Variants in CACNA1I observed in about 807,000 individuals in gnomAD.
CACNA1I encodes voltage-dependent T-type calcium channel subunit alpha-1I.
In CACNA1I, 74 loss-of-function variants were observed where a neutral mutation model predicts 201.6. The ratio of observed to expected loss-of-function variants is 0.37; its 90% CI spans 0.30 to 0.45. The LOEUF is 0.45. Among genes scored for constraint, CACNA1I ranks in the 20% least tolerant of loss-of-function variants. The probability of loss-of-function intolerance (pLI) is 1.00; values close to 1 mark genes in which losing one functional copy is unlikely to be tolerated. For missense variants in CACNA1I, 2,346 were observed against 3,138.1 expected, an observed-to-expected ratio of 0.75 and a Z score of 6.03; for synonymous variants, 1,431 against 1,345.2, an observed-to-expected ratio of 1.06 and a Z score of -1.40.
chr22:39,610,371 G>C (rs536751892), intron 3 of CACNA1I, among the ~76,000 whole-genome samples: 1 of 152,186 alleles, frequency 6.6e-6, no homozygotes, highest in African/African-American at 2.4e-5. Context: ...CTGAGCTGCC[G>C]TTGGGTGGGC....
intron 35 of CACNA1I, among the ~76,000 whole-genome samples, 187 bp downstream of exon 35, chr22:39,682,848 A>G (rs969541156): frequency 6.6e-6 from 1 of 152,228 alleles, no homozygotes; most frequent in African/African-American, 2.4e-5. Context: ...ATAAAAGATC[A>G]AGAGCCAAAT....
chr22:39,662,083 T>G lies in CACNA1I; in HGVS notation c.3020T>G (p.Leu1007Arg). ...KPPSAEHESL[L>R]SAERGGGARV... Reference sequence around the variant, plus strand: ...CCGTCGGCGGAGCATGAGTCCCTGCTCTCTGCGGAGCGCGGCGGCGGCGCC... The same window carrying G: ...CCGTCGGCGGAGCATGAGTCCCTGCGCTCTGCGGAGCGCGGCGGCGGCGCC... Residue 1007 changes from leucine (L) to arginine (R), a missense_variant, in exon 17 of 37, where the codon CTC (leucine) becomes CGC (arginine). Physicochemically the swap from Leu to Arg is moderately radical, Grantham distance 102. This residue lies in a region of CACNA1I where 288 missense variants were observed against 255.2 expected (regional missense o/e 1.13). Coordinates refer to ENST00000402142, the MANE Select transcript of CACNA1I (RefSeq NM_021096.4). 6.5e-7 allele frequency: 1 copy of G among 1,537,152 alleles called. No individual in the cohort carries two copies. Among genetic ancestry groups the G allele is most frequent in the Non-Finnish European group, 8.7e-7 (1 of 1,146,486 alleles).
chr22:39,653,403 C>T (rs955470610), intron 10 of CACNA1I, among the ~76,000 whole-genome samples: 15 of 152,334 alleles, frequency 9.8e-5, no homozygotes, highest in African/African-American at 3.4e-4. Context: ...TATTTTTGCT[C>T]CGCTCGCTCG....
intron 5 of CACNA1I, among the ~76,000 whole-genome samples, chr22:39,638,566 T>A (rs1238809349): frequency 6.6e-6 from 1 of 152,254 alleles, no homozygotes; most frequent in Non-Finnish European, 1.5e-5. Flanking sequence ...ATTTTTTGTT[T>A]GCATTTGGTT....
intron 29 of CACNA1I, among the ~76,000 whole-genome samples, chr22:39,675,213 C>T (rs1404586202): frequency 2.0e-5 from 3 of 152,194 alleles, no homozygotes; most frequent in Non-Finnish European, 2.9e-5. Context: ...GGTGAAGCAT[C>T]GCTCCCTCAA....
In CACNA1I at chr22:39,689,533, C is replaced by T. The variant is rs1569107053; in HGVS notation, c.*3128C>T. On this transcript the variant is annotated 3_prime_UTR_variant, in exon 37 of 37. Transcript: ENST00000402142. Reference sequence around the variant, plus strand: ...AGCCTACTGAGGAGGCAGAGGCCACCTCCTCCAGAAAGCCCTCGGCCTGGG... The same window carrying T: ...AGCCTACTGAGGAGGCAGAGGCCACTTCCTCCAGAAAGCCCTCGGCCTGGG... 1 of 152,964 alleles carries T rather than the reference C, an allele frequency of 6.5e-6. No individual in the cohort carries two copies. The highest frequency in any genetic ancestry group is 2.4e-5 in the African/African-American group (1 of 41,588). The allele number at this position is 152,964 out of a possible 1,614,324, so 9.5% of individuals were successfully genotyped here.
intron 4 of CACNA1I, among the ~76,000 whole-genome samples, chr22:39,622,521 G>A (rs1933776464): frequency 6.6e-6 from 1 of 151,436 alleles, no homozygotes. Context: ...CATGGACCAT[G>A]TGCCTGAGGG....
At position 39,673,639 on chromosome 22, in the gene CACNA1I, C is replaced by T. The variant is rs144381846; in HGVS notation, c.4784-324C>T. Among the ~76,000 whole-genome samples, 245 of 152,312 alleles carry T rather than the reference C, an allele frequency of 1.6e-3. 1 individual carries two copies. Among genetic ancestry groups the T allele is most frequent in the African/African-American group, 5.4e-3 (223 of 41,574 alleles). ...GAGAGGGGAAGAGAAGAGATGTGGC[C>T]ACTCACGCTGGTCCTTTGTGCCCGT... On this transcript the variant is annotated intron_variant, in intron 28 of 36. Transcript: ENST00000402142.
Position 39,686,092 on chromosome 22 carries a change from G to GGC in CACNA1I, c.6359_6360insGC (p.Ser2121ProfsTer152). 8.1e-7 allele frequency: 1 copy of GGC among 1,236,338 alleles called. No individual in the cohort carries two copies. Among genetic ancestry groups the GGC allele is most frequent in the East Asian group, 3.3e-5 (1 of 30,512 alleles). 76.6% of individuals were successfully genotyped at this position (1,236,338 alleles called of 1,614,324 possible). ...GGTGGCGCGGGCGGCGGGGGCGCGG[G>GGC]CAGCGAGCACTCGGAGACCCTCAGC... On this transcript the variant is annotated frameshift_variant, in exon 37 of 37. Transcript: ENST00000402142. LOFTEE classifies it low-confidence loss of function (END_TRUNC).
At chr22:39,575,638 C>T (rs1361160284) in intron 1 of CACNA1I, among the ~76,000 whole-genome samples, 1 of 150,114 alleles carries the variant, frequency 6.7e-6, no homozygotes, top group East Asian at 2.0e-4. Flanking sequence ...CCATGCCCCC[C>T]ATCAGTGCAG....
intron 3 of CACNA1I, among the ~76,000 whole-genome samples, chr22:39,615,033 G>A (rs1933491354): frequency 6.6e-6 from 1 of 152,242 alleles, no homozygotes; most frequent in Non-Finnish European, 1.5e-5. Flanking sequence ...ACTCCTGTAA[G>A]CGATGTCTTA....
At chr22:39,598,474 C>T (rs2145825873) in intron 2 of CACNA1I, among the ~76,000 whole-genome samples, 1 of 152,080 alleles carries the variant, frequency 6.6e-6, no homozygotes. Context: ...CTGACCCTTC[C>T]TCACTCCCAC....
rs987172954 is a variant in CACNA1I at position 39,665,851 on chromosome 22, G to A, written c.3979-30G>A. The A allele has an allele frequency of 6.8e-6, 11 of 1,613,450 alleles. No individual in the cohort carries two copies. The highest frequency in any genetic ancestry group is 1.3e-5 in the African/African-American group (1 of 74,928). On this transcript the variant is annotated intron_variant, in intron 22 of 36. Coordinates refer to ENST00000402142, the MANE Select transcript of CACNA1I (RefSeq NM_021096.4). This position sits in a 1 kb window ranked among gnomAD's most constrained non-coding sequence, Gnocchi z 5.5. ...TCTCTGACTTGCAACCCTCACCTGT[G>A]AGAGCACCAACCTCACCCCCTTTCC...
Position 39,659,848 on chromosome 22 carries a change from C to A in CACNA1I, c.2600C>A (p.Ala867Glu), listed in dbSNP as rs768309039. Residue 867 changes from alanine (A) to glutamate (E), a missense_variant, in exon 14 of 37, where the codon GCG becomes GAG. Transcript: ENST00000402142. The surrounding 1 kb of genome is among the most constrained non-coding windows in gnomAD (Gnocchi z 4.3). ...LVAILVEGFQ[A>E]EGDANRSYSD... is the part of the protein sequence containing the mutation. ...GCCATCCTGGTGGAGGGCTTCCAGG[C>A]GGAGGTGACTGTGGTCTTGGCAGAG... The A allele has an allele frequency of 1.2e-6, 2 of 1,613,740 alleles. No individual in the cohort carries two copies. Among genetic ancestry groups the A allele is most frequent in the Admixed American group, 3.3e-5 (2 of 60,008 alleles).
In CACNA1I at chr22:39,647,804, A is replaced by T. The variant is rs753573413; in HGVS notation, c.1463-18A>T. The T allele has an allele frequency of 6.6e-7, 1 of 1,506,074 alleles. No homozygotes were observed. Among genetic ancestry groups the T allele is most frequent in the South Asian group, 1.1e-5 (1 of 88,900 alleles). The allele number at this position is 1,506,074 out of a possible 1,614,324, so 93.3% of individuals were successfully genotyped here. A position where few individuals can be genotyped will look rare whatever the true frequency, so the allele number is the denominator to read the frequency against. ...TCCTGAGAAGGGAGAAGATAGTAAT[A>T]TTATCTCCACTTTTCAGATGGGAAG... On this transcript the variant is annotated intron_variant, in intron 8 of 36. Transcript: ENST00000402142.
intron 1 of CACNA1I, among the ~76,000 whole-genome samples, chr22:39,595,519 G>T (rs1049870728): frequency 6.6e-6 from 1 of 152,016 alleles, no homozygotes; most frequent in Non-Finnish European, 1.5e-5. Flanking sequence ...CAGCTACTTG[G>T]GAGGCTGAGG....
chr22:39,648,043 C>T lies in CACNA1I; in HGVS notation c.1567+117C>T. 4 of 848,144 alleles carry T rather than the reference C, an allele frequency of 4.7e-6. No homozygotes were observed. In the South Asian group the frequency reaches 6.4e-5, roughly 14 times the overall value. 52.5% of individuals were successfully genotyped at this position (848,144 alleles called of 1,614,324 possible). A position where few individuals can be genotyped will look rare whatever the true frequency, so the allele number is the denominator to read the frequency against. On this transcript the variant is annotated intron_variant, in intron 9 of 36. Transcript: ENST00000402142. This position sits in a 1 kb window ranked among gnomAD's most constrained non-coding sequence, Gnocchi z 5.4. ...ACGGCGCTTGAGCAGCCGCGACCCT[C>T]TGCAGGCCTGTCTCCCTCTATAAAG...
intron 1 of CACNA1I, among the ~76,000 whole-genome samples, chr22:39,595,650 C>A (rs902449273): frequency 6.6e-6 from 1 of 151,668 alleles, no homozygotes; most frequent in African/African-American, 2.4e-5. Context: ...ATTAGAATCA[C>A]GTACGATAAT....
Position 39,680,377 on chromosome 22 carries a change from G to A in CACNA1I, c.5541+509G>A, listed in dbSNP as rs74885128. 3.1e-3 allele frequency among the ~76,000 whole-genome samples: 465 copies of A among 152,254 alleles called. 4 individuals carry two copies. The highest frequency in any genetic ancestry group is 0.011 in the African/African-American group (449 of 41,536). ...CCTCTCCCCAGCAGTGTGGGCCCCT[G>A]AGCTCTCCCTGGGGTGTTCCAGCCC... On this transcript the variant is annotated intron_variant, in intron 33 of 36. Transcript: ENST00000402142.
Sources: gnomAD v4.1 joint callset for allele counts (sites outside exome capture counted in the v4.1 genomes callset) on GRCh38, gnomAD v4.1.1 for gene constraint, gnomAD v4.1.1 regional missense constraint, Gnocchi (gnomAD v3.1) non-coding constraint, MANE v1.5 for transcripts, NCBI Gene and HGNC (gene_info 2026-07-23, HGNC 2026-07-21) for gene names.